Variants in SOX5 observed in about 807,000 individuals in gnomAD.
SOX5 encodes SRY-box transcription factor 5.
A neutral mutation model predicts 92.0 loss-of-function variants in SOX5; 9 were observed. That is an observed-to-expected ratio of 0.10 (90% CI 0.06 to 0.17). The LOEUF (loss-of-function observed/expected upper bound fraction) is 0.17. SOX5 is among the 10% of genes least tolerant of loss of function. SOX5 has a pLI of 1.00. For missense variants in SOX5, 642 were observed against 944.5 expected (o/e 0.68, Z 4.20); for synonymous variants, 344 against 336.3 (o/e 1.02, Z -0.25).
chr12:23,911,271 A>C (rs929834327), intron 1 of SOX5, among the ~76,000 whole-genome samples: 5 of 152,212 alleles, frequency 3.3e-5, no homozygotes, highest in South Asian at 2.1e-4. Flanking sequence ...ACAAAACCCC[A>C]AAAAAATGTT....
chr12:24,547,127 A>G (rs1430793600), intron 1 of SOX5, among the ~76,000 whole-genome samples: 1 of 151,576 alleles, frequency 6.6e-6, no homozygotes, highest in African/African-American at 2.4e-5. Flanking sequence ...TAGGGGTAGG[A>G]GGAGTATAGT....
At chr12:24,115,554 C>T (rs1406699660) in intron 4 of SOX5, among the ~76,000 whole-genome samples, 1 of 152,088 alleles carries the variant, frequency 6.6e-6, no homozygotes, top group African/African-American at 2.4e-5. Context: ...AAACAACAGC[C>T]CTCCCTGTTG....
At chr12:24,413,274 T>C (rs1183996436) in intron 1 of SOX5, among the ~76,000 whole-genome samples, 2 of 152,252 alleles carry the variant, frequency 1.3e-5, no homozygotes, top group African/African-American at 4.8e-5. Context: ...GTCTTTTTGG[T>C]GGAGCAATGT....
chr12:24,309,174 G>A (rs1276508199), intron 2 of SOX5, among the ~76,000 whole-genome samples: 1 of 152,092 alleles, frequency 6.6e-6, no homozygotes, highest in Non-Finnish European at 1.5e-5. Context: ...TCTTCCTTGG[G>A]GAGCCTCCAT....
At chr12:23,952,743 T>C (rs1945817331), upstream of SOX5, among the ~76,000 whole-genome samples, 1 of 152,138 alleles carries the variant, frequency 6.6e-6, no homozygotes, top group African/African-American at 2.4e-5. Flanking sequence ...TCTAAGATCA[T>C]AAGGAATTTT....
intron 7 of SOX5, among the ~76,000 whole-genome samples, chr12:23,654,996 G>A (rs540990060): frequency 9.2e-5 from 14 of 151,902 alleles, no homozygotes; most frequent in South Asian, 4.2e-4. Flanking sequence ...TTTTTATGAC[G>A]TCTTAATGTA....
At chr12:23,669,928 T>G (rs2084481342) in intron 6 of SOX5, among the ~76,000 whole-genome samples, 1 of 152,126 alleles carries the variant, frequency 6.6e-6, no homozygotes. Context: ...GAGGCCACGC[T>G]ATGGGAAGCC....
intron 5 of SOX5, 150 bp from the exon 6 acceptor site, chr12:23,734,902 C>T (rs1344852192): frequency 1.7e-6 from 1 of 601,114 alleles, no homozygotes; most frequent in African/African-American, 1.9e-5. Context: ...GCAATTCATC[C>T]TAAATAAGAT....
intron 3 of SOX5, among the ~76,000 whole-genome samples, chr12:23,780,253 A>G (rs2095247829): frequency 6.6e-6 from 1 of 151,958 alleles, no homozygotes; most frequent in Admixed American, 6.6e-5. Context: ...TCTTAATTTT[A>G]TAAATTTTCT....
intron 2 of SOX5, among the ~76,000 whole-genome samples, chr12:24,324,684 A>T (rs767238246): frequency 6.6e-6 from 1 of 152,186 alleles, no homozygotes; most frequent in Non-Finnish European, 1.5e-5. Flanking sequence ...TACATTCAGT[A>T]GCTCTGTGTC....
At chr12:23,820,923 T>C (rs1342998030) in intron 3 of SOX5, among the ~76,000 whole-genome samples, 1 of 152,214 alleles carries the variant, frequency 6.6e-6, no homozygotes, top group African/African-American at 2.4e-5. Flanking sequence ...TTGAGTTCCA[T>C]ATGAAATTTG....
chr12:23,578,119 A>AAAAAAAAAAAAAAAAC (rs1949487362), intron 9 of SOX5, among the ~76,000 whole-genome samples: 1 of 38,720 alleles, frequency 2.6e-5, no homozygotes, highest in Non-Finnish European at 6.1e-5. Flanking sequence ...GACTGTGTCA[A>AAAAAAAAAAAAAAAAC]AAAAAAAAAA....
intron 2 of SOX5, among the ~76,000 whole-genome samples, chr12:24,347,620 C>T (rs551615167): frequency 7.2e-5 from 11 of 152,090 alleles, no homozygotes; most frequent in South Asian, 6.2e-4. Context: ...GGGGATTTAA[C>T]GATAAAATAT....
intron 9 of SOX5, among the ~76,000 whole-genome samples, chr12:23,597,899 C>T (rs976872654): frequency 2.0e-5 from 3 of 152,110 alleles, no homozygotes; most frequent in Non-Finnish European, 2.9e-5. Flanking sequence ...AATTTAAATG[C>T]GGTTATAATT....
chr12:24,006,590 C>T (rs1787810230), intron 4 of SOX5, among the ~76,000 whole-genome samples: 1 of 152,048 alleles, frequency 6.6e-6, no homozygotes, highest in South Asian at 2.1e-4. Flanking sequence ...GCCACTCCTT[C>T]CAGGATTGTC....
upstream of SOX5, among the ~76,000 whole-genome samples, chr12:23,955,145 T>C (rs1318393947): frequency 6.6e-6 from 1 of 152,074 alleles, no homozygotes; most frequent in Non-Finnish European, 1.5e-5. Context: ...TTAAAGGCAA[T>C]GAATTTTAGT....
chr12:24,028,648 C>T (rs994788083), intron 4 of SOX5, among the ~76,000 whole-genome samples: 1 of 151,834 alleles, frequency 6.6e-6, no homozygotes, highest in African/African-American at 2.4e-5. Flanking sequence ...TAAATCATGA[C>T]AATAAAAGTA....
At chr12:24,279,625 A>AT (rs1288873005) in intron 2 of SOX5, among the ~76,000 whole-genome samples, 15 of 152,098 alleles carry the variant, frequency 9.9e-5, no homozygotes, top group Admixed American at 9.2e-4. Flanking sequence ...TTAAAAAAAA[A>AT]CTCAGCTCAA....
intron 3 of SOX5, among the ~76,000 whole-genome samples, chr12:23,792,622 CAAAAAAAAAAAAAAAAAAAAAAA>C (rs749845598): frequency 1.8e-4 from 7 of 38,962 alleles, no homozygotes; most frequent in East Asian, 2.5e-3. Context: ...GGCTCTGTCT[CAAAAAAAAAAAAAAAAAAAAAAA>C]AAAAAAAAAA....
Sources: gnomAD v4.1 joint callset for allele counts (sites outside exome capture counted in the v4.1 genomes callset) on GRCh38, gnomAD v4.1.1 for gene constraint, MANE v1.5 for transcripts, NCBI Gene and HGNC (gene_info 2026-07-23, HGNC 2026-07-21) for gene names.